PER3: variants seen among roughly 807,000 people sequenced by gnomAD.
The protein encoded by PER3 is period circadian protein homolog 3.
Under a neutral mutation model 127.2 loss-of-function variants are expected in PER3, and 107 were observed. The ratio of observed to expected loss-of-function variants is 0.84; its 90% confidence interval spans 0.72 to 0.99. The LOEUF (loss-of-function observed/expected upper bound fraction) is 0.99, where lower values mean the gene tolerates loss of function less well. PER3 is among the 50% of genes least tolerant of loss of function. The pLI, the probability that PER3 is intolerant of heterozygous loss-of-function variation, is 0.00. For missense variants in PER3, 1,560 were observed against 1,525.8 expected (o/e 1.02, Z -0.37); for synonymous variants, 618 against 585.8 (o/e 1.05, Z -0.79).
intron 19 of PER3, 145 bp downstream of exon 19, chr1:7,830,306 G>A: frequency 1.5e-6 from 1 of 689,268 alleles, no homozygotes; most frequent in South Asian, 1.9e-5. Context: ...CAGGTATATT[G>A]GGGTATATTT....
At chr1:7,805,512 C>T (rs911676332) in intron 10 of PER3, among the ~76,000 whole-genome samples, 2 of 152,082 alleles carry the variant, frequency 1.3e-5, no homozygotes, top group African/African-American at 4.8e-5. Context: ...AAATGGGCTC[C>T]TGGCCGCCCT....
chr1:7,801,067 A>T, intron 7 of PER3, 46 bp from the exon 8 acceptor site: 1 of 1,069,108 alleles, frequency 9.4e-7, no homozygotes, highest in South Asian at 1.3e-5. Flanking sequence ...GTGGATAATT[A>T]ATTAGATATT....
chr1:7,785,715 A>ACG, intron 3 of PER3, 129 bp downstream of exon 3: 1 of 702,744 alleles, frequency 1.4e-6, no homozygotes, highest in Non-Finnish European at 2.4e-6. Flanking sequence ...GTGGAAGATG[A>ACG]GCAAATCTAC....
At position 7,810,542 on chromosome 1, in the gene PER3, G is replaced by A. The variant is rs138757201; in HGVS notation, c.1476G>A (p.Gly492=). ...MTKSSFKPVT[G]TRTEPNGGGE... The stretch of plus-strand genomic sequence containing the variant: ...AATCATCATTCAAGCCAGTGACGGG[G>A]ACACGCACAGAACCGAATGGTGGTG... The change falls in exon 13 of 22, where the codon GGG becomes GGA. Residue 492 remains glycine, a synonymous_variant. Coordinates refer to ENST00000377532, the MANE Select transcript of PER3 (RefSeq NM_001377275.1). 35 of 1,613,634 alleles carry A rather than the reference G, an allele frequency of 2.2e-5. No homozygotes were observed. Among genetic ancestry groups the A allele is most frequent in the South Asian group, 5.5e-5 (5 of 91,024 alleles).
intron 6 of PER3, 76 bp from the exon 7 acceptor site, chr1:7,798,449 T>C (rs1322152187): frequency 8.8e-7 from 1 of 1,138,128 alleles, no homozygotes; most frequent in East Asian, 2.4e-5. Flanking sequence ...ACCAATAAAA[T>C]ATTTCTCCCA....
chr1:7,789,576 GTCTT>G (rs2150477111), intron 5 of PER3, among the ~76,000 whole-genome samples: 1 of 152,304 alleles, frequency 6.6e-6, no homozygotes, highest in Non-Finnish European at 1.5e-5. Context: ...TCTTGGGTCT[GTCTT>G]TATCAGCAGC....
rs148373652 is a variant in PER3, at chr1:7,838,855, G to A, written c.3549+1706G>A. ...CTGTATCTAGATCTAAAGTGAGTAG[G>A]CAGCATATATCTGAATAGTGCCTTT... On this transcript the variant is annotated intron_variant, in intron 21 of 21. Coordinates refer to ENST00000377532, the MANE Select transcript of PER3 (RefSeq NM_001377275.1). 1.4e-3 allele frequency among the ~76,000 whole-genome samples: 219 copies of A among 152,256 alleles called. 1 individual carries two copies. Among genetic ancestry groups the A allele is most frequent in the Middle Eastern group, 0.01 (3 of 294 alleles).
At chr1:7,842,620 C>A in intron 21 of PER3, 52 bp from the exon 22 acceptor site, 2 of 1,605,490 alleles carry the variant, frequency 1.2e-6, no homozygotes, top group East Asian at 4.5e-5. Flanking sequence ...TTTTAAAACT[C>A]TTTAGGTGAC....
chr1:7,794,065 T>G lies in PER3; in HGVS notation c.644+57T>G, dbSNP rs967288808. ...AGTGGATTATGTTCTGAGTTTATTT[T>G]GCAGTTGGTTTGATTCTTGTGTATT... On this transcript the variant is annotated intron_variant, in intron 6 of 21. Coordinates refer to ENST00000377532, the MANE Select transcript of PER3 (RefSeq NM_001377275.1). 2.3e-5 allele frequency: 33 copies of G among 1,415,642 alleles called. No individual in the cohort carries two copies. In the African/African-American group the frequency reaches 4.1e-4, roughly 18 times the overall value. 87.7% of individuals were successfully genotyped at this position (1,415,642 alleles called of 1,614,324 possible).
intron 21 of PER3, among the ~76,000 whole-genome samples, chr1:7,840,491 T>G (rs1368461592): frequency 6.6e-6 from 1 of 151,844 alleles, no homozygotes. Context: ...GCTAATTTTT[T>G]AATTTTCGTA....
intron 16 of PER3, among the ~76,000 whole-genome samples, chr1:7,825,939 G>A (rs541027695): frequency 8.5e-5 from 13 of 152,102 alleles, no homozygotes; most frequent in Non-Finnish European, 1.3e-4. Flanking sequence ...GGCGTGGTGT[G>A]GCACACGCTT....
chr1:7,794,362 G>A (rs548286011), intron 6 of PER3, among the ~76,000 whole-genome samples: 1 of 152,220 alleles, frequency 6.6e-6, no homozygotes, highest in South Asian at 2.1e-4. Flanking sequence ...ACGTGGTAGT[G>A]CACGCCTGTA....
chr1:7,809,801 C>CA (rs2097211091), intron 11 of PER3, 92 bp from the exon 12 acceptor site: 11 of 1,210,592 alleles, frequency 9.1e-6, no homozygotes, highest in Non-Finnish European at 1.3e-5. Flanking sequence ...CAGGAATTGT[C>CA]ATCTTAATTT....
chr1:7,819,595 C>T (rs1220765027), intron 14 of PER3, among the ~76,000 whole-genome samples, 175 bp downstream of exon 14: 1 of 152,134 alleles, frequency 6.6e-6, no homozygotes, highest in Non-Finnish European at 1.5e-5. Flanking sequence ...GCACAAAAAG[C>T]TAGAAGATGC....
At chr1:7,831,279 T>C (rs2097330462) in intron 19 of PER3, among the ~76,000 whole-genome samples, 1 of 152,236 alleles carries the variant, frequency 6.6e-6, no homozygotes, top group African/African-American at 2.4e-5. Flanking sequence ...CATATAGAAA[T>C]TTAATCAAAT....
chr1:7,842,132 T>C (rs2097393119), intron 21 of PER3, among the ~76,000 whole-genome samples: 1 of 152,204 alleles, frequency 6.6e-6, no homozygotes, highest in African/African-American at 2.4e-5. Flanking sequence ...ACCACCATTA[T>C]ATATGCAGTC....
rs145870917 is a variant in PER3 at position 7,803,123 on chromosome 1, C to T, written c.949C>T (p.Arg317Cys). The part of the protein sequence containing the change: ...SILSYLHPED[R>C]SLMVAIHQKV... ...CCTAAGCTACCTGCACCCTGAAGAT[C>T]GTTCTCTGATGGTTGCCATACACCA... The change falls in exon 9 of 22, where the codon CGT (arginine) becomes TGT (cysteine). Residue 317 changes from arginine (R) to cysteine (C), a missense_variant. Coordinates refer to ENST00000377532, the MANE Select transcript of PER3 (RefSeq NM_001377275.1). 10 of 1,611,494 alleles carry T rather than the reference C, an allele frequency of 6.2e-6. No individual in the cohort carries two copies. The highest frequency in any genetic ancestry group is 1.7e-5 in the Admixed American group (1 of 59,992).
chr1:7,798,005 T>C (rs1454267393), intron 6 of PER3, among the ~76,000 whole-genome samples: 1 of 152,194 alleles, frequency 6.6e-6, no homozygotes, highest in Non-Finnish European at 1.5e-5. Flanking sequence ...ACTTTTTCTT[T>C]CCTCCTCAGC....
rs2097309027 is a variant in PER3, at chr1:7,827,655, GGA to G, written c.2732_2733del (p.Glu911GlyfsTer36). On this transcript the variant is annotated frameshift_variant, in exon 18 of 22. Coordinates refer to ENST00000377532, the MANE Select transcript of PER3 (RefSeq NM_001377275.1). LOFTEE classifies it high-confidence loss of function. ...CCACCCCCTTCAGTCACCAGCCAAA[GGA>G]GAGAGGAGGAAAAGTGGGAGGCACA... The G allele has an allele frequency of 3.1e-6, 5 of 1,614,194 alleles. No individual in the cohort carries two copies. The highest frequency in any genetic ancestry group is 1.1e-5 in the South Asian group (1 of 91,082).
Sources: gnomAD v4.1 joint callset for allele counts (sites outside exome capture counted in the v4.1 genomes callset) on GRCh38, gnomAD v4.1.1 for gene constraint, MANE v1.5 for transcripts, NCBI Gene and HGNC (gene_info 2026-07-23, HGNC 2026-07-21) for gene names.